Variants in BRINP3 observed in about 807,000 individuals in gnomAD.
BRINP3 encodes BMP/retinoic acid-inducible neural-specific protein 3.
A neutral mutation model predicts 71.0 loss-of-function variants in BRINP3; 19 were observed. That is an observed-to-expected ratio of 0.27 (90% CI 0.19 to 0.39). BRINP3 has a LOEUF of 0.39. Ranked by LOEUF, BRINP3 falls within the 10% of genes least tolerant of loss-of-function variation. BRINP3 has a pLI of 1.00. For synonymous variants in BRINP3, 380 were observed against 337.7 expected, an observed-to-expected ratio of 1.13 and a Z score of -1.37; for missense variants, 959 against 940.8, an observed-to-expected ratio of 1.02 and a Z score of -0.25.
At chr1:190,300,940 G>A (rs1431174023) in intron 2 of BRINP3, among the ~76,000 whole-genome samples, 7 of 151,944 alleles carry the variant, frequency 4.6e-5, no homozygotes, top group East Asian at 3.9e-4. Context: ...TGACTTTGAC[G>A]AGCTGAGAGA....
At chr1:190,463,537 G>A (rs904086676) in intron 1 of BRINP3, among the ~76,000 whole-genome samples, 20 of 151,704 alleles carry the variant, frequency 1.3e-4, no homozygotes, top group Non-Finnish European at 2.7e-4. Context: ...TCAATACTCA[G>A]GTATTATATT....
At chr1:190,365,806 G>GTGTATATA (rs913644308) in intron 2 of BRINP3, among the ~76,000 whole-genome samples, 26,284 of 127,336 alleles carry the variant, frequency 0.21, 3,087 homozygotes, top group Admixed American at 0.28. Flanking sequence ...GAGAGCAAGT[G>GTGTATATA]TATATATATA....
At chr1:190,348,763 T>C (rs1668183848) in intron 2 of BRINP3, among the ~76,000 whole-genome samples, 1 of 152,164 alleles carries the variant, frequency 6.6e-6, no homozygotes, top group Admixed American at 6.6e-5. Flanking sequence ...AGTAGGCAAT[T>C]TGTATTTATT....
At chr1:190,202,923 G>C (rs535706478) in intron 6 of BRINP3, among the ~76,000 whole-genome samples, 5 of 152,106 alleles carry the variant, frequency 3.3e-5, no homozygotes, top group Middle Eastern at 3.4e-3. Flanking sequence ...TTAACCATGA[G>C]GGTCATTTGC....
chr1:190,227,724 C>A (rs1308265547), intron 5 of BRINP3, among the ~76,000 whole-genome samples: 2 of 151,760 alleles, frequency 1.3e-5, no homozygotes, highest in African/African-American at 4.8e-5. Flanking sequence ...AACAGCATCA[C>A]ACACAGATAA....
At chr1:190,241,794 TATAAG>T (rs1659125961) in intron 4 of BRINP3, among the ~76,000 whole-genome samples, 1 of 151,862 alleles carries the variant, frequency 6.6e-6, no homozygotes, top group African/African-American at 2.4e-5. Flanking sequence ...TTACCACACA[TATAAG>T]ATCTTTTAAA....
chr1:190,391,333 T>C (rs1287079111), intron 2 of BRINP3, among the ~76,000 whole-genome samples: 1 of 151,788 alleles, frequency 6.6e-6, no homozygotes, highest in Non-Finnish European at 1.5e-5. Flanking sequence ...GTTACTCATT[T>C]ATAAAACATT....
chr1:190,194,964 T>A (rs1654350098), intron 6 of BRINP3, among the ~76,000 whole-genome samples: 1 of 152,100 alleles, frequency 6.6e-6, no homozygotes, highest in African/African-American at 2.4e-5. Flanking sequence ...TTAAACTATG[T>A]TTACAAGGTT....
At chr1:190,462,827 T>C (rs1676484716) in intron 1 of BRINP3, among the ~76,000 whole-genome samples, 1 of 152,058 alleles carries the variant, frequency 6.6e-6, no homozygotes, top group Non-Finnish European at 1.5e-5. Flanking sequence ...TTAGAATTTT[T>C]GAGGTCACCT....
At chr1:190,248,784 A>G (rs1357787907) in intron 4 of BRINP3, among the ~76,000 whole-genome samples, 4 of 151,690 alleles carry the variant, frequency 2.6e-5, no homozygotes, top group Non-Finnish European at 3.0e-5. Flanking sequence ...ACAAACACCT[A>G]TATATTGTAT....
At chr1:190,312,668 AAAG>A (rs1299373846) in intron 2 of BRINP3, among the ~76,000 whole-genome samples, 1 of 151,852 alleles carries the variant, frequency 6.6e-6, no homozygotes, top group Non-Finnish European at 1.5e-5. Flanking sequence ...AAGGTTTTGA[AAAG>A]AAGATCAAGA....
chr1:190,285,884 G>A (rs1462214257), intron 2 of BRINP3, among the ~76,000 whole-genome samples: 2 of 152,000 alleles, frequency 1.3e-5, no homozygotes, highest in Non-Finnish European at 2.9e-5. Flanking sequence ...AGGCATCTCA[G>A]GATTTCATCC....
intron 4 of BRINP3, among the ~76,000 whole-genome samples, chr1:190,250,949 G>A (rs140479384): frequency 1.3e-5 from 2 of 151,914 alleles, no homozygotes; most frequent in Non-Finnish European, 2.9e-5. Context: ...TGGCATGGTG[G>A]CTTACACAAG....
chr1:190,233,337 C>A (rs1658188456), intron 5 of BRINP3, among the ~76,000 whole-genome samples: 1 of 151,802 alleles, frequency 6.6e-6, no homozygotes, highest in Admixed American at 6.6e-5. Flanking sequence ...GACTGCAGGC[C>A]TGCAACACCA....
intron 4 of BRINP3, among the ~76,000 whole-genome samples, chr1:190,263,529 G>A (rs559473751): frequency 6.6e-6 from 1 of 151,416 alleles, no homozygotes; most frequent in Non-Finnish European, 1.5e-5. Flanking sequence ...TATACTTGGA[G>A]CAATCTTCCG....
chr1:190,225,928 C>T (rs550668747), intron 6 of BRINP3, among the ~76,000 whole-genome samples, 154 bp downstream of exon 6: 1 of 151,626 alleles, frequency 6.6e-6, no homozygotes, highest in Non-Finnish European at 1.5e-5. Context: ...TAGTTAATAA[C>T]CAGTAGTAAA....
intron 2 of BRINP3, among the ~76,000 whole-genome samples, chr1:190,369,287 ATATAT>A (rs1669706825): frequency 6.6e-6 from 1 of 152,120 alleles, no homozygotes; most frequent in South Asian, 2.1e-4. Flanking sequence ...ATTAGTGATA[ATATAT>A]TATTCTCATG....
intron 2 of BRINP3, among the ~76,000 whole-genome samples, chr1:190,352,217 C>T (rs1668433599): frequency 6.6e-6 from 1 of 152,004 alleles, no homozygotes; most frequent in Non-Finnish European, 1.5e-5. Flanking sequence ...GTTCATCTAT[C>T]ATTTTGACTA....
chr1:190,125,496 T>C (rs1217536654), intron 7 of BRINP3, among the ~76,000 whole-genome samples: 1 of 152,018 alleles, frequency 6.6e-6, no homozygotes, highest in African/African-American at 2.4e-5. Context: ...CAAACTTTTT[T>C]GATAATAATG....
Sources: allele counts gnomAD v4.1 joint callset (sites outside exome capture counted in the v4.1 genomes callset), GRCh38; gene constraint gnomAD v4.1.1; transcripts MANE v1.5; gene names NCBI Gene and HGNC (gene_info 2026-07-23, HGNC 2026-07-21).